The following STK3 variants were observed in gnomAD, a reference collection of about 807,000 sequenced individuals.
STK3 encodes the protein serine/threonine kinase 3.
Under a neutral mutation model 58.0 loss-of-function variants are expected in STK3, and 41 were observed. That is an observed-to-expected ratio of 0.71 (90% CI 0.55 to 0.92). The LOEUF (loss-of-function observed/expected upper bound fraction) is 0.92. Among genes scored for constraint, STK3 ranks in the 40% least tolerant of loss-of-function variants. STK3 has a pLI of 0.00. For missense variants in STK3, 479 were observed against 602.7 expected, an observed-to-expected ratio of 0.79 and a Z score of 2.15; for synonymous variants, 170 against 191.0, an observed-to-expected ratio of 0.89 and a Z score of 0.91.
intron 1 of STK3, chr8:98,905,465 G>A: frequency 7.9e-7 from 1 of 1,264,266 alleles, no homozygotes; most frequent in Non-Finnish European, 1.2e-6. Context: ...TATTCTTGCT[G>A]GCTTCCACGT....
intron 6 of STK3, among the ~76,000 whole-genome samples, chr8:98,635,323 G>C (rs993271088): frequency 9.9e-5 from 15 of 151,978 alleles, no homozygotes; most frequent in African/African-American, 3.6e-4. Context: ...TTATGTATGG[G>C]GCAATGTACT....
At chr8:98,731,113 CATATAGAGT>C (rs1828162818) in intron 4 of STK3, among the ~76,000 whole-genome samples, 1 of 152,106 alleles carries the variant, frequency 6.6e-6, no homozygotes, top group Non-Finnish European at 1.5e-5. Context: ...AGTATGATAG[CATATAGAGT>C]ATATATAAGG....
At chr8:98,589,632 C>T (rs534585861) in intron 7 of STK3, among the ~76,000 whole-genome samples, 6 of 152,240 alleles carry the variant, frequency 3.9e-5, no homozygotes, top group African/African-American at 7.2e-5. Flanking sequence ...CCACCCAGTT[C>T]GAGCTTCCTG....
At chr8:98,746,111 TA>T (rs1407123492) in intron 4 of STK3, among the ~76,000 whole-genome samples, 1 of 152,234 alleles carries the variant, frequency 6.6e-6, no homozygotes, top group African/African-American at 2.4e-5. Context: ...ATGTAGCACA[TA>T]ACTGTACTGA....
chr8:98,850,829 G>T (rs1587747432), intron 3 of STK3, among the ~76,000 whole-genome samples: 1 of 152,154 alleles, frequency 6.6e-6, no homozygotes, highest in Non-Finnish European at 1.5e-5. Flanking sequence ...TTAAACAGGA[G>T]AGTGTCATGA....
intron 3 of STK3, among the ~76,000 whole-genome samples, chr8:98,759,040 G>A (rs1478548009): frequency 6.6e-6 from 1 of 152,200 alleles, no homozygotes; most frequent in Non-Finnish European, 1.5e-5. Context: ...CTCCATATCA[G>A]CAATGAGGCT....
In STK3 at chr8:98,640,697, G is replaced by T. The variant is rs192892814; in HGVS notation, c.685-44528C>A. On this transcript the variant is annotated intron_variant, in intron 6 of 10. Transcript: ENST00000419617. ...ATTCCAATATAATTTAATTATTCTTGGTCATTTGCTCATGTTTCCTTAAAT... is the reference window on the plus strand; with the variant it reads ...ATTCCAATATAATTTAATTATTCTTTGTCATTTGCTCATGTTTCCTTAAAT... Among the ~76,000 whole-genome samples, 55 of 151,480 alleles carry T rather than the reference G, an allele frequency of 3.6e-4. No individual in the cohort carries two copies. The East Asian group carries it at 9.1e-3, about 25-fold the overall frequency.
At chr8:98,612,750 A>G (rs953353046) in intron 6 of STK3, among the ~76,000 whole-genome samples, 4 of 152,178 alleles carry the variant, frequency 2.6e-5, no homozygotes, top group African/African-American at 7.2e-5. Flanking sequence ...CACCACAGAA[A>G]AAACTGTAGT....
chr8:98,934,017 G>A (rs548056383), intron 1 of STK3, among the ~76,000 whole-genome samples: 1 of 152,204 alleles, frequency 6.6e-6, no homozygotes, highest in South Asian at 2.1e-4. Flanking sequence ...CTGTGTGTGG[G>A]GTCTGCTTGC....
intron 1 of STK3, among the ~76,000 whole-genome samples, chr8:98,387,613 T>C (rs1586544951): frequency 6.6e-6 from 1 of 152,146 alleles, no homozygotes; most frequent in Non-Finnish European, 1.5e-5. Context: ...CCAGGCATGA[T>C]GGTGCATGCC....
At chr8:98,567,995 T>C (rs1224649991) in intron 8 of STK3, among the ~76,000 whole-genome samples, 1 of 151,616 alleles carries the variant, frequency 6.6e-6, no homozygotes, top group Non-Finnish European at 1.5e-5. Flanking sequence ...GAGGTGGAGG[T>C]TGCAGTGAGC....
chr8:98,800,114 T>C lies in STK3; in HGVS notation c.27-25295A>G, dbSNP rs1315748055. Reference sequence around the variant, plus strand: ...CCCTTTCTAGGTCCCGTGGCAGCCATCTTGCCGCTACTCGCCTTTGGACCC... The same window carrying C: ...CCCTTTCTAGGTCCCGTGGCAGCCACCTTGCCGCTACTCGCCTTTGGACCC... On this transcript the variant is annotated intron_variant, in intron 1 of 10. Transcript: ENST00000419617. The surrounding 1 kb of genome is among the most constrained non-coding windows in gnomAD (Gnocchi z 4.8). Among the ~76,000 whole-genome samples, 5 of 152,218 alleles carry C rather than the reference T, an allele frequency of 3.3e-5. No individual in the cohort carries two copies. Among genetic ancestry groups the C allele is most frequent in the Non-Finnish European group, 7.4e-5 (5 of 68,026 alleles).
At chr8:98,710,198 A>G (rs1826286814) in intron 4 of STK3, among the ~76,000 whole-genome samples, 1 of 152,210 alleles carries the variant, frequency 6.6e-6, no homozygotes, top group South Asian at 2.1e-4. Context: ...GCTCCAGTCT[A>G]AAGCTCCCAG....
At chr8:98,427,914 C>A in intron 3 of STK3, 2 of 1,361,204 alleles carry the variant, frequency 1.5e-6, no homozygotes, top group Non-Finnish European at 2.0e-6. Context: ...GCGCTCTCGC[C>A]GACGCTGTTC....
At chr8:98,623,057 A>C (rs1412334124) in intron 6 of STK3, among the ~76,000 whole-genome samples, 3 of 152,172 alleles carry the variant, frequency 2.0e-5, no homozygotes, top group African/African-American at 7.2e-5. Flanking sequence ...AATGCTCCAA[A>C]ATACAAGAAA....
intron 7 of STK3, among the ~76,000 whole-genome samples, chr8:98,582,402 T>C (rs2131741352): frequency 6.6e-6 from 1 of 152,192 alleles, no homozygotes; most frequent in East Asian, 1.9e-4. Flanking sequence ...ATTCAAATCA[T>C]CCATTTTTCT....
At chr8:98,879,506 T>G (rs1330022175), downstream of STK3, 1 of 152,202 alleles carries the variant, frequency 6.6e-6, no homozygotes, top group Non-Finnish European at 1.5e-5. Context: ...TTCAGTAAAC[T>G]GTTATTAATA....
At chr8:98,835,976 A>T (rs1205170408) in intron 3 of STK3, among the ~76,000 whole-genome samples, 1 of 152,194 alleles carries the variant, frequency 6.6e-6, no homozygotes, top group Non-Finnish European at 1.5e-5. Context: ...CAAGGTGGGC[A>T]GATCACCTGA....
chr8:98,487,407 T>A (rs1822355591), intron 10 of STK3, among the ~76,000 whole-genome samples: 1 of 152,174 alleles, frequency 6.6e-6, no homozygotes, highest in East Asian at 1.9e-4. Flanking sequence ...TTAGTCCAAT[T>A]CCTTCACTTA....
Sources: gnomAD v4.1 joint callset for allele counts (sites outside exome capture counted in the v4.1 genomes callset) on GRCh38, gnomAD v4.1.1 for gene constraint, Gnocchi (gnomAD v3.1) non-coding constraint, MANE v1.5 for transcripts, NCBI Gene and HGNC (gene_info 2026-07-23, HGNC 2026-07-21) for gene names.